GABRB2: variants seen among roughly 807,000 people sequenced by gnomAD.
GABRB2 encodes the protein gamma-aminobutyric acid receptor subunit beta-2.
Under a neutral mutation model 54.7 loss-of-function variants are expected in GABRB2, and 16 were observed. The ratio of observed to expected loss-of-function variants is 0.29; its 90% CI spans 0.20 to 0.44. The LOEUF is 0.44. Ranked by LOEUF, GABRB2 falls within the 20% of genes least tolerant of loss-of-function variation. GABRB2 has a pLI of 1.00. For missense variants in GABRB2, 355 were observed against 644.0 expected (o/e 0.55, Z 4.86); for synonymous variants, 244 against 233.8 (o/e 1.04, Z -0.40).
At chr5:161,434,382 T>G (rs1035694025) in intron 4 of GABRB2, among the ~76,000 whole-genome samples, 2 of 152,208 alleles carry the variant, frequency 1.3e-5, no homozygotes, top group African/African-American at 4.8e-5. Flanking sequence ...TGATTAAAAT[T>G]ATCAGTGACA....
At chr5:161,495,740 G>C (rs565916540) in intron 3 of GABRB2, among the ~76,000 whole-genome samples, 1 of 152,052 alleles carries the variant, frequency 6.6e-6, no homozygotes, top group African/African-American at 2.4e-5. Flanking sequence ...AACTCCAAAA[G>C]GAGATGTACT....
At chr5:161,392,155 T>G (rs1755843567) in intron 5 of GABRB2, among the ~76,000 whole-genome samples, 1 of 152,156 alleles carries the variant, frequency 6.6e-6, no homozygotes, top group Non-Finnish European at 1.5e-5. Context: ...TCATGGCCTC[T>G]GTGTTCCAGG....
chr5:161,401,924 G>A (rs73319077), intron 5 of GABRB2, among the ~76,000 whole-genome samples: 4,647 of 152,080 alleles, frequency 0.031, 217 homozygotes, highest in African/African-American at 0.097. Context: ...TGTCCAGTAC[G>A]GCAGCCACTT....
rs147661463 is a variant in GABRB2 at position 161,507,891 on chromosome 5, C to G, written c.237+37336G>C. 9.8e-4 allele frequency among the ~76,000 whole-genome samples: 149 copies of G among 152,038 alleles called. 1 individual carries two copies. Among genetic ancestry groups the G allele is most frequent in the African/African-American group, 3.4e-3 (143 of 41,520 alleles). ...ATGTAGAGCAACCCAAATTTCCATA[C>G]ATCGTTGGTGACAGTGAAAATGAAG... On this transcript the variant is annotated intron_variant, in intron 3 of 9. Coordinates refer to ENST00000393959, the MANE Select transcript of GABRB2 (RefSeq NM_001371727.1).
Position 161,289,498 on chromosome 5 carries a change from A to G in GABRB2, c.*4583T>C, listed in dbSNP as rs183767364. 4 of 151,976 alleles carry G rather than the reference A, an allele frequency of 2.6e-5. No individual in the cohort carries two copies. Among genetic ancestry groups the G allele is most frequent in the African/African-American group, 9.7e-5 (4 of 41,378 alleles). 9.4% of individuals were successfully genotyped at this position (151,976 alleles called of 1,614,324 possible). A position where few individuals can be genotyped will look rare whatever the true frequency, so the allele number is the denominator to read the frequency against. On this transcript the variant is annotated 3_prime_UTR_variant, in exon 10 of 10. Coordinates refer to ENST00000393959, the MANE Select transcript of GABRB2 (RefSeq NM_001371727.1). ...TATTAAAAAAAAAGTCTTCTAGTGT[A>G]TATTGTGTAACACATTTCTGGAGCT...
intron 5 of GABRB2, among the ~76,000 whole-genome samples, chr5:161,380,267 T>A (rs778569409): frequency 6.6e-6 from 1 of 152,152 alleles, no homozygotes; most frequent in Non-Finnish European, 1.5e-5. Context: ...AATACTACAA[T>A]TTCCTTCTAT....
At chr5:161,320,350 A>C (rs565598107) in intron 9 of GABRB2, among the ~76,000 whole-genome samples, 1 of 142,712 alleles carries the variant, frequency 7.0e-6, no homozygotes, top group Non-Finnish European at 1.5e-5. Flanking sequence ...TCTTCAATTT[A>C]ATTTTTATTG....
chr5:161,323,767 A>C (rs1039190864), intron 9 of GABRB2, among the ~76,000 whole-genome samples: 3 of 152,128 alleles, frequency 2.0e-5, no homozygotes, highest in Non-Finnish European at 4.4e-5. Flanking sequence ...GTGGGAGTGC[A>C]AGGTAATTGT....
intron 9 of GABRB2, among the ~76,000 whole-genome samples, chr5:161,315,524 A>G (rs188653721): frequency 6.6e-6 from 1 of 152,286 alleles, no homozygotes; most frequent in Admixed American, 6.5e-5. Context: ...AATGAAAATG[A>G]TATCAGGACC....
intron 4 of GABRB2, among the ~76,000 whole-genome samples, chr5:161,413,542 G>T (rs1756581206): frequency 6.6e-6 from 1 of 151,976 alleles, no homozygotes; most frequent in Admixed American, 6.6e-5. Flanking sequence ...ATTTCTCACT[G>T]GTCCACTGAT....
chr5:161,547,276 A>G, upstream of GABRB2, among the ~76,000 whole-genome samples: 1 of 110,368 alleles, frequency 9.1e-6, no homozygotes, highest in Admixed American at 9.5e-5. Context: ...GGGAGGGAAA[A>G]AACCAATGGG....
chr5:161,298,640 C>G (rs1181576620), intron 9 of GABRB2, among the ~76,000 whole-genome samples: 1 of 152,222 alleles, frequency 6.6e-6, no homozygotes, highest in Non-Finnish European at 1.5e-5. Flanking sequence ...CTTCCCTGCT[C>G]TAAGGCTTCT....
At chr5:161,536,787 G>A (rs1025120753) in intron 3 of GABRB2, among the ~76,000 whole-genome samples, 10 of 151,934 alleles carry the variant, frequency 6.6e-5, no homozygotes, top group Non-Finnish European at 5.9e-5. Flanking sequence ...TATTAGAGAC[G>A]GGGTTTTGTA....
chr5:161,459,817 G>T lies in GABRB2; in HGVS notation c.265C>A (p.Gln89Lys). Reference protein sequence around the residue: ...MDYTLTMYFQQAWRDKRLSYN... With the variant: ...MDYTLTMYFQKAWRDKRLSYN... ...GACAGCCTCTTATCTCTCCAGGCTT[G>T]TTGAAAGTACATTGTCAAGGTATAA... Residue 89 changes from glutamine (Q) to lysine (K), a missense_variant, in exon 4 of 10, where the codon CAA becomes AAA. Physicochemically the swap from Gln to Lys is moderately conservative, Grantham distance 53. Coordinates refer to ENST00000393959, the MANE Select transcript of GABRB2 (RefSeq NM_001371727.1). The T allele has an allele frequency of 6.2e-7, 1 of 1,612,802 alleles. No individual in the cohort carries two copies. Among genetic ancestry groups the T allele is most frequent in the African/African-American group, 1.3e-5 (1 of 74,970 alleles).
chr5:161,541,805 C>T (rs114765047), intron 3 of GABRB2, among the ~76,000 whole-genome samples: 2,177 of 152,276 alleles, frequency 0.014, 55 homozygotes, highest in African/African-American at 0.048. Context: ...TTTCCATTTT[C>T]TTATCTTTCA....
intron 9 of GABRB2, among the ~76,000 whole-genome samples, chr5:161,304,221 A>T (rs145738432): frequency 0.029 from 4,358 of 152,304 alleles, 247 homozygotes; most frequent in Admixed American, 0.14. Context: ...AACTTTAAAT[A>T]TTATAGTGGC....
intron 3 of GABRB2, among the ~76,000 whole-genome samples, chr5:161,494,806 A>T (rs573500877): frequency 6.6e-6 from 1 of 151,946 alleles, no homozygotes; most frequent in East Asian, 1.9e-4. Context: ...TTTTAATTGT[A>T]TTTAAGGAAA....
intron 5 of GABRB2, among the ~76,000 whole-genome samples, chr5:161,356,454 C>G (rs533387226): frequency 6.6e-6 from 1 of 152,212 alleles, no homozygotes; most frequent in East Asian, 1.9e-4. Flanking sequence ...CCTGATGAAC[C>G]AAGGACTATG....
intron 9 of GABRB2, among the ~76,000 whole-genome samples, chr5:161,322,802 T>C (rs1758249345): frequency 6.6e-6 from 1 of 152,114 alleles, no homozygotes; most frequent in Non-Finnish European, 1.5e-5. Flanking sequence ...TCTTTCTTAC[T>C]GTTTTAGATT....
Sources: allele counts gnomAD v4.1 joint callset (sites outside exome capture counted in the v4.1 genomes callset), GRCh38; gene constraint gnomAD v4.1.1; transcripts MANE v1.5; gene names NCBI Gene and HGNC (gene_info 2026-07-23, HGNC 2026-07-21).